The following PLCB4 variants were observed in gnomAD, a reference collection of about 807,000 sequenced individuals.
PLCB4 encodes the protein 1-phosphatidylinositol 4,5-bisphosphate phosphodiesterase beta-4.
Under a neutral mutation model 178.8 loss-of-function variants are expected in PLCB4, and 77 were observed. The observed-to-expected ratio is 0.43, with a 90% CI of 0.36 to 0.52. The LOEUF (loss-of-function observed/expected upper bound fraction) is 0.52. PLCB4 is among the 20% of genes least tolerant of loss of function. PLCB4 has a pLI of 0.00. For synonymous variants in PLCB4, 496 were observed against 490.8 expected, an observed-to-expected ratio of 1.01 and a Z score of -0.14; for missense variants, 1,024 against 1,453.4, an observed-to-expected ratio of 0.70 and a Z score of 4.80.
At chr20:9,390,374 T>C (rs1908084319) in intron 16 of PLCB4, among the ~76,000 whole-genome samples, 157 bp from the exon 17 acceptor site, 2 of 152,208 alleles carry the variant, frequency 1.3e-5, no homozygotes, top group South Asian at 2.1e-4. Context: ...TTTAAAATTA[T>C]ACCAGTTAAA....
At chr20:9,384,912 C>T (rs1477426676) in intron 14 of PLCB4, among the ~76,000 whole-genome samples, 1 of 151,556 alleles carries the variant, frequency 6.6e-6, no homozygotes, top group Non-Finnish European at 1.5e-5. Context: ...CAGATAAACA[C>T]GTGAACAAAG....
At chr20:9,465,175 A>G (rs2043683097) in intron 35 of PLCB4, among the ~76,000 whole-genome samples, 1 of 152,248 alleles carries the variant, frequency 6.6e-6, no homozygotes, top group Non-Finnish European at 1.5e-5. Context: ...AACAGAACCA[A>G]TAACAAAAAC....
intron 25 of PLCB4, among the ~76,000 whole-genome samples, chr20:9,415,370 A>G (rs769703810): frequency 6.6e-6 from 1 of 152,258 alleles, no homozygotes; most frequent in African/African-American, 2.4e-5. Context: ...ACTGTATAGC[A>G]TAGCAACTTG....
chr20:9,291,536 AAAGG>A (rs2094579788), intron 3 of PLCB4, among the ~76,000 whole-genome samples: 1 of 152,176 alleles, frequency 6.6e-6, no homozygotes, highest in Non-Finnish European at 1.5e-5. Flanking sequence ...AAAGAGGAAG[AAAGG>A]TTTAGAGATT....
At chr20:9,439,448 T>A (rs190439494) in intron 30 of PLCB4, among the ~76,000 whole-genome samples, 2 of 152,274 alleles carry the variant, frequency 1.3e-5, no homozygotes, top group African/African-American at 4.8e-5. Flanking sequence ...AGACTCTACC[T>A]CTTGATTAGA....
chr20:9,158,564 T>A (rs2092829594), intron 2 of PLCB4, among the ~76,000 whole-genome samples: 1 of 151,142 alleles, frequency 6.6e-6, no homozygotes, highest in African/African-American at 2.4e-5. Context: ...CCACTGCACC[T>A]GGCCACTCTC....
At chr20:9,243,762 C>T (rs1406537403) in intron 3 of PLCB4, among the ~76,000 whole-genome samples, 1 of 152,198 alleles carries the variant, frequency 6.6e-6, no homozygotes, top group Non-Finnish European at 1.5e-5. Flanking sequence ...CAAATCCCAG[C>T]TGTGCCACTT....
At chr20:9,345,844 A>C (rs1200932596) in intron 7 of PLCB4, among the ~76,000 whole-genome samples, 1 of 152,206 alleles carries the variant, frequency 6.6e-6, no homozygotes, top group Non-Finnish European at 1.5e-5. Context: ...TACCAGTAAT[A>C]AAATATTATT....
rs535708330 is a variant in PLCB4 at position 9,090,550 on chromosome 20, C to T, written c.-134-5737C>T. 6.0e-5 allele frequency among the ~76,000 whole-genome samples: 9 copies of T among 148,960 alleles called. No individual in the cohort carries two copies. In the East Asian group the frequency reaches 9.8e-4, roughly 16 times the overall value. On this transcript the variant is annotated intron_variant, in intron 1 of 39. Transcript: ENST00000378473. The stretch of plus-strand genomic sequence containing the variant: ...TTTCAAATGGGTATTAGATAGCTTC[C>T]GTGGTAGAAGTGAGGACTTGCAGAA...
chr20:9,220,885 C>G (rs1234480149), intron 3 of PLCB4, among the ~76,000 whole-genome samples: 1 of 152,210 alleles, frequency 6.6e-6, no homozygotes, highest in Non-Finnish European at 1.5e-5. Context: ...TTCTTATTAC[C>G]CTGTAAATAC....
At chr20:9,250,117 T>A (rs2094164966) in intron 3 of PLCB4, among the ~76,000 whole-genome samples, 1 of 152,236 alleles carries the variant, frequency 6.6e-6, no homozygotes, top group Non-Finnish European at 1.5e-5. Context: ...TTAAGAGTTA[T>A]CCTATTCTGT....
At chr20:9,113,665 A>G (rs915533947) in intron 2 of PLCB4, among the ~76,000 whole-genome samples, 1 of 152,200 alleles carries the variant, frequency 6.6e-6, no homozygotes, top group Non-Finnish European at 1.5e-5. Flanking sequence ...CAGATTGCTA[A>G]ATTGCTAAAT....
chr20:9,303,449 A>G (rs2094728498), intron 3 of PLCB4, among the ~76,000 whole-genome samples: 1 of 152,094 alleles, frequency 6.6e-6, no homozygotes, highest in Non-Finnish European at 1.5e-5. Context: ...GTCTTTCTGT[A>G]TTTGGCTTAT....
At chr20:9,131,980 C>A (rs6039394) in intron 2 of PLCB4, among the ~76,000 whole-genome samples, 46 of 152,244 alleles carry the variant, frequency 3.0e-4, no homozygotes, top group African/African-American at 1.1e-3. Context: ...CATGTTCCAG[C>A]CCCAGTCAAA....
intron 3 of PLCB4, among the ~76,000 whole-genome samples, chr20:9,269,060 A>G (rs982491219): frequency 1.5e-4 from 23 of 152,226 alleles, no homozygotes; most frequent in African/African-American, 5.5e-4. Flanking sequence ...ATGGGATCAA[A>G]AAAATGAGGC....
intron 2 of PLCB4, among the ~76,000 whole-genome samples, chr20:9,177,022 G>C (rs574578533): frequency 6.6e-6 from 1 of 152,038 alleles, no homozygotes; most frequent in East Asian, 1.9e-4. Flanking sequence ...ATGATGGACT[G>C]GTGGCGAAGA....
At chr20:9,160,020 G>A (rs1160649104) in intron 2 of PLCB4, among the ~76,000 whole-genome samples, 2 of 152,156 alleles carry the variant, frequency 1.3e-5, no homozygotes, top group African/African-American at 2.4e-5. Flanking sequence ...CAAGCTGAAC[G>A]TCCCTCCACA....
chr20:9,126,426 C>T (rs1350987309), intron 2 of PLCB4, among the ~76,000 whole-genome samples: 1 of 152,074 alleles, frequency 6.6e-6, no homozygotes, highest in Non-Finnish European at 1.5e-5. Flanking sequence ...ATTTGTTTTC[C>T]TTCCCCTAGT....
chr20:9,238,551 C>T (rs545842105), intron 3 of PLCB4, among the ~76,000 whole-genome samples: 1 of 152,300 alleles, frequency 6.6e-6, no homozygotes, highest in African/African-American at 2.4e-5. Context: ...CAGGCAAGGC[C>T]ACCTTTCTGG....
Sources: gnomAD v4.1 joint callset for allele counts (sites outside exome capture counted in the v4.1 genomes callset) on GRCh38, gnomAD v4.1.1 for gene constraint, MANE v1.5 for transcripts, NCBI Gene and HGNC (gene_info 2026-07-23, HGNC 2026-07-21) for gene names.